PPP2R2C: variants seen among roughly 807,000 people sequenced by gnomAD.
PPP2R2C encodes the protein protein phosphatase 2 regulatory subunit Bgamma.
A neutral mutation model predicts 45.3 loss-of-function variants in PPP2R2C; 10 were observed. The ratio of observed to expected loss-of-function variants is 0.22; its 90% confidence interval spans 0.14 to 0.37. The LOEUF (loss-of-function observed/expected upper bound fraction) is 0.37. PPP2R2C is among the 10% of genes least tolerant of loss of function. PPP2R2C has a pLI of 1.00. For missense variants in PPP2R2C, 308 were observed against 619.7 expected, an observed-to-expected ratio of 0.50 and a Z score of 5.34; for synonymous variants, 257 against 245.4, an observed-to-expected ratio of 1.05 and a Z score of -0.44.
At chr4:6,382,292 G>A (rs1036610020) in intron 1 of PPP2R2C, 3 of 1,271,578 alleles carry the variant, frequency 2.4e-6, no homozygotes, top group Admixed American at 4.7e-5. Context: ...TCCTGGCCTG[G>A]ATTCTGTAGT....
In PPP2R2C at chr4:6,329,247, G is replaced by T. The variant is rs775224099; in HGVS notation, c.1052+15C>A. 1.2e-6 allele frequency: 2 copies of T among 1,611,038 alleles called. No individual in the cohort carries two copies. Among genetic ancestry groups the T allele is most frequent in the African/African-American group, 2.7e-5 (2 of 74,872 alleles). ...CCTACGGTGAGGTGAGGTGCGGGCT[G>T]AGGTCAGGGCTTACCTGTCGCTCCC... is the stretch of plus-strand genomic sequence containing the variant. On this transcript the variant is annotated intron_variant, in intron 8 of 8. Coordinates refer to ENST00000382599, the MANE Select transcript of PPP2R2C (RefSeq NM_020416.4). This position sits in a 1 kb window ranked among gnomAD's most constrained non-coding sequence, Gnocchi z 5.8.
intron 2 of PPP2R2C, among the ~76,000 whole-genome samples, chr4:6,480,569 A>G (rs964042366): frequency 1.1e-4 from 16 of 152,168 alleles, no homozygotes; most frequent in African/African-American, 3.6e-4. Context: ...ACCCACCCAC[A>G]TAATATTTAG....
intron 2 of PPP2R2C, among the ~76,000 whole-genome samples, chr4:6,479,875 CTTTTA>C (rs1399588269): frequency 1.3e-5 from 2 of 151,666 alleles, no homozygotes. Context: ...TTCTTTTTTA[CTTTTA>C]TTTTATTTTT....
chr4:6,402,596 A>C (rs1279132464), intron 1 of PPP2R2C, among the ~76,000 whole-genome samples: 2 of 152,094 alleles, frequency 1.3e-5, no homozygotes, highest in Non-Finnish European at 2.9e-5. Context: ...AGTAGGTGGG[A>C]CATGGAGCGG....
At chr4:6,387,642 C>G (rs966160986) in intron 1 of PPP2R2C, among the ~76,000 whole-genome samples, 1 of 152,002 alleles carries the variant, frequency 6.6e-6, no homozygotes, top group African/African-American at 2.4e-5. Context: ...GAAACCCTGT[C>G]TCTACTAAAA....
At chr4:6,514,500 C>A (rs1428061054) in intron 2 of PPP2R2C, among the ~76,000 whole-genome samples, 3 of 152,206 alleles carry the variant, frequency 2.0e-5, no homozygotes, top group Non-Finnish European at 4.4e-5. Flanking sequence ...ATTTGTCCCC[C>A]AGTGGCTGGC....
chr4:6,463,883 G>T (rs1391068252), intron 1 of PPP2R2C, among the ~76,000 whole-genome samples: 1 of 152,152 alleles, frequency 6.6e-6, no homozygotes, highest in Non-Finnish European at 1.5e-5. Flanking sequence ...TCGCAACACA[G>T]ATAGCAAGAG....
intron 6 of PPP2R2C, 27 bp downstream of exon 6, chr4:6,347,817 GCC>G: frequency 9.4e-7 from 1 of 1,058,470 alleles, no homozygotes; most frequent in Non-Finnish European, 1.3e-6. Flanking sequence ...CCAATGCACA[GCC>G]CCCCACCCCC....
At chr4:6,418,486 T>G (rs1212987769) in intron 1 of PPP2R2C, among the ~76,000 whole-genome samples, 1 of 152,186 alleles carries the variant, frequency 6.6e-6, no homozygotes, top group Non-Finnish European at 1.5e-5. Flanking sequence ...TTAAACATCC[T>G]CCTCCTCTTC....
chr4:6,553,135 C>G (rs893050373), intron 1 of PPP2R2C, among the ~76,000 whole-genome samples: 1 of 152,230 alleles, frequency 6.6e-6, no homozygotes, highest in Non-Finnish European at 1.5e-5. Context: ...GAGACAGGAT[C>G]CACTGGCACA....
intron 6 of PPP2R2C, among the ~76,000 whole-genome samples, chr4:6,335,246 G>C (rs996812794): frequency 2.6e-5 from 4 of 152,178 alleles, no homozygotes; most frequent in African/African-American, 7.2e-5. Flanking sequence ...CCAGGGAGCA[G>C]CAAGTGCTGG....
intron 3 of PPP2R2C, among the ~76,000 whole-genome samples, chr4:6,377,091 G>A (rs1205244968): frequency 4.6e-5 from 7 of 152,238 alleles, no homozygotes; most frequent in Non-Finnish European, 5.9e-5. Context: ...GGTACAGGGC[G>A]AGGATAGCCT....
chr4:6,520,379 TCACTGTCCCA>T (rs1481471715), intron 2 of PPP2R2C, among the ~76,000 whole-genome samples: 2 of 143,860 alleles, frequency 1.4e-5, no homozygotes, highest in Non-Finnish European at 3.0e-5. Flanking sequence ...CCCGAGCAGC[TCACTGTCCCA>T]CATCCTTCTG....
intron 1 of PPP2R2C, among the ~76,000 whole-genome samples, chr4:6,454,731 G>A (rs954006005): frequency 1.3e-5 from 2 of 152,168 alleles, no homozygotes; most frequent in African/African-American, 4.8e-5. Flanking sequence ...TGGTACCTGT[G>A]GCACTCACTG....
intron 5 of PPP2R2C, among the ~76,000 whole-genome samples, chr4:6,358,822 G>A (rs57859983): frequency 0.26 from 38,817 of 152,046 alleles, 5,075 homozygotes; most frequent in Non-Finnish European, 0.27. Flanking sequence ...CTACAATGGC[G>A]ATCATTAAAA....
At chr4:6,406,786 A>G (rs889246709) in intron 1 of PPP2R2C, among the ~76,000 whole-genome samples, 1 of 152,276 alleles carries the variant, frequency 6.6e-6, no homozygotes, top group African/African-American at 2.4e-5. Flanking sequence ...AAATAAAATA[A>G]AATAAAAAAC....
intron 2 of PPP2R2C, among the ~76,000 whole-genome samples, chr4:6,379,532 A>G (rs560363070): frequency 2.6e-5 from 4 of 152,364 alleles, no homozygotes; most frequent in East Asian, 3.9e-4. Flanking sequence ...GGTCAGTGGG[A>G]CTAGAAGGAA....
At chr4:6,469,648 GC>G (rs1721761986) in intron 1 of PPP2R2C, among the ~76,000 whole-genome samples, 1 of 152,208 alleles carries the variant, frequency 6.6e-6, no homozygotes. Context: ...GGAAAGTGAA[GC>G]TCAGGAAGGT....
intron 5 of PPP2R2C, chr4:6,349,423 CCCTTCACACA>C (rs1712323262): frequency 1.3e-5 from 13 of 976,808 alleles, no homozygotes; most frequent in Middle Eastern, 5.2e-4. Context: ...AGAGGCAAAG[CCCTTCACACA>C]CTGCCTGATG....
Sources: gnomAD v4.1 joint callset for allele counts (sites outside exome capture counted in the v4.1 genomes callset) on GRCh38, gnomAD v4.1.1 for gene constraint, Gnocchi (gnomAD v3.1) non-coding constraint, MANE v1.5 for transcripts, NCBI Gene and HGNC (gene_info 2026-07-23, HGNC 2026-07-21) for gene names.